The following FBXL13 variants were observed in gnomAD, a reference collection of about 807,000 sequenced individuals.
The protein encoded by FBXL13 is F-box and leucine-rich repeat protein 13.
Under a neutral mutation model 83.6 loss-of-function variants are expected in FBXL13, and 67 were observed. That is an observed-to-expected ratio of 0.80 (90% confidence interval 0.66 to 0.98). The LOEUF is 0.98. FBXL13 is among the 50% of genes least tolerant of loss of function. The pLI is 0.00. For missense variants in FBXL13, 822 were observed against 866.5 expected (o/e 0.95, Z 0.64); for synonymous variants, 272 against 299.5 (o/e 0.91, Z 0.95).
intron 17 of FBXL13, among the ~76,000 whole-genome samples, chr7:102,835,418 A>G (rs1801703863): frequency 6.6e-6 from 1 of 152,262 alleles, no homozygotes; most frequent in Non-Finnish European, 1.5e-5. Flanking sequence ...TAAAAATGCA[A>G]TAAGCCCCTT....
At chr7:103,040,700 T>C (rs1376919474) in intron 2 of FBXL13, among the ~76,000 whole-genome samples, 2 of 152,162 alleles carry the variant, frequency 1.3e-5, no homozygotes, top group African/African-American at 4.8e-5. Context: ...ACATGGAAAC[T>C]GAACAACCTG....
chr7:103,002,736 C>A (rs558454336), intron 6 of FBXL13, among the ~76,000 whole-genome samples: 5 of 152,334 alleles, frequency 3.3e-5, no homozygotes, highest in Admixed American at 2.6e-4. Context: ...GTCCCACTCC[C>A]TCCTGGCCTA....
chr7:102,928,032 C>T (rs1818461932), intron 9 of FBXL13, among the ~76,000 whole-genome samples: 1 of 152,040 alleles, frequency 6.6e-6, no homozygotes, highest in Non-Finnish European at 1.5e-5. Context: ...AATGTGGGGA[C>T]CAGGAAGAGG....
chr7:102,934,259 G>T, intron 8 of FBXL13: 2 of 1,614,196 alleles, frequency 1.2e-6, no homozygotes. Flanking sequence ...GCAGCAGAAT[G>T]AGATCTCTAA....
At chr7:103,049,157 T>A (rs1796568245) in intron 2 of FBXL13, among the ~76,000 whole-genome samples, 1 of 152,198 alleles carries the variant, frequency 6.6e-6, no homozygotes, top group South Asian at 2.1e-4. Context: ...ATATAAAATC[T>A]CTTTTCTTTA....
chr7:102,924,728 G>A (rs1247570920), intron 10 of FBXL13, among the ~76,000 whole-genome samples: 2 of 142,672 alleles, frequency 1.4e-5, no homozygotes, highest in East Asian at 2.1e-4. Context: ...TGCAAGCTCC[G>A]CCTCCTGGGT....
intron 18 of FBXL13, among the ~76,000 whole-genome samples, chr7:102,829,521 T>C (rs1352553206): frequency 6.6e-6 from 1 of 152,212 alleles, no homozygotes; most frequent in Non-Finnish European, 1.5e-5. Flanking sequence ...TAATCATTAC[T>C]AACTCCCACT....
At chr7:102,895,998 T>C (rs563894552) in intron 11 of FBXL13, among the ~76,000 whole-genome samples, 4 of 152,330 alleles carry the variant, frequency 2.6e-5, no homozygotes, top group African/African-American at 9.6e-5. Context: ...AAGATATCTG[T>C]AGAAAGATTC....
intron 2 of FBXL13, among the ~76,000 whole-genome samples, chr7:103,036,718 C>T (rs1795107224): frequency 6.6e-6 from 1 of 152,026 alleles, no homozygotes; most frequent in African/African-American, 2.4e-5. Context: ...CACCATGTTG[C>T]CCAGGCTGCT....
At chr7:102,958,223 C>A (rs1278045825) in intron 8 of FBXL13, among the ~76,000 whole-genome samples, 1 of 152,074 alleles carries the variant, frequency 6.6e-6, no homozygotes, top group East Asian at 1.9e-4. Context: ...AGGATGAGTG[C>A]ATGTCCTTTG....
chr7:103,065,819 G>A (rs1798339079), intron 1 of FBXL13, among the ~76,000 whole-genome samples: 1 of 152,214 alleles, frequency 6.6e-6, no homozygotes, highest in Admixed American at 6.5e-5. Context: ...CCAAGGCTTG[G>A]TGAACAGGAC....
chr7:102,840,924 C>T lies in FBXL13; in HGVS notation c.1720-7950G>A, dbSNP rs547729270. On this transcript the variant is annotated intron_variant, in intron 17 of 19. Coordinates refer to ENST00000313221, the Ensembl canonical transcript of FBXL13. Reference sequence around the variant, plus strand: ...ATGGACCCTGGCTTTTGTCTGTGAACCAGAGAGATCCTGGAACGATCCTAT... The same window carrying T: ...ATGGACCCTGGCTTTTGTCTGTGAATCAGAGAGATCCTGGAACGATCCTAT... 2.7e-4 allele frequency among the ~76,000 whole-genome samples: 41 copies of T among 152,186 alleles called. 1 individual carries two copies. The highest frequency in any genetic ancestry group is 9.9e-4 in the African/African-American group (41 of 41,520).
At chr7:102,821,343 CAA>C (rs1034800059) in intron 19 of FBXL13, among the ~76,000 whole-genome samples, 2 of 152,250 alleles carry the variant, frequency 1.3e-5, no homozygotes, top group Admixed American at 1.3e-4. Flanking sequence ...GTCTATTTTA[CAA>C]GTAATTTTTC....
chr7:102,812,579 A>C (rs1272666310), downstream of FBXL13, among the ~76,000 whole-genome samples: 1 of 152,186 alleles, frequency 6.6e-6, no homozygotes, highest in Non-Finnish European at 1.5e-5. Context: ...GAAAATATTA[A>C]TATATGTCTG....
At chr7:102,929,650 T>G (rs1286965423) in intron 9 of FBXL13, among the ~76,000 whole-genome samples, 1 of 114,892 alleles carries the variant, frequency 8.7e-6, no homozygotes, top group African/African-American at 3.4e-5. Context: ...GGCAACAGAG[T>G]GAGACTCCAT....
chr7:102,874,286 C>T, intron 16 of FBXL13: 1 of 964,210 alleles, frequency 1.0e-6, no homozygotes, highest in African/African-American at 1.8e-5. Context: ...CCCAAGTTGA[C>T]ATCCGGGCTG....
intron 16 of FBXL13, among the ~76,000 whole-genome samples, chr7:102,858,091 T>C (rs973732985): frequency 6.6e-6 from 1 of 152,108 alleles, no homozygotes; most frequent in African/African-American, 2.4e-5. Flanking sequence ...AAATGTAGTA[T>C]ATATACACAA....
At chr7:103,055,229 G>T (rs2129496273) in intron 2 of FBXL13, 51 bp from the exon 3 acceptor site, 2 of 969,028 alleles carry the variant, frequency 2.1e-6, no homozygotes, top group Non-Finnish European at 1.4e-6. Context: ...TAATTAGTTA[G>T]TTCCGTAATT....
At chr7:102,926,274 C>G in exon 10 of FBXL13, 1 of 1,612,266 alleles carries the variant, frequency 6.2e-7, no homozygotes. Context: ...CAAACATTAC[C>G]TCGGCAGGAG....
Sources: allele counts gnomAD v4.1 joint callset (sites outside exome capture counted in the v4.1 genomes callset), GRCh38; gene constraint gnomAD v4.1.1; transcripts MANE v1.5; gene names NCBI Gene and HGNC (gene_info 2026-07-23, HGNC 2026-07-21).